Variants in PTPRD observed in about 807,000 individuals in gnomAD.
PTPRD encodes the protein receptor-type tyrosine-protein phosphatase delta.
PTPRD carries 34 observed loss-of-function variants against 214.5 expected under a neutral mutation model. The observed-to-expected ratio is 0.16, with a 90% CI of 0.12 to 0.21. The LOEUF is 0.21. PTPRD is among the 10% of genes least tolerant of loss of function. The pLI is 1.00. For synonymous variants in PTPRD, 1,128 were observed against 845.7 expected (o/e 1.33, Z -5.79); for missense variants, 2,545 against 2,398.7 (o/e 1.06, Z -1.27).
At chr9:8,592,034 C>T (rs905648248) in intron 14 of PTPRD, among the ~76,000 whole-genome samples, 2 of 152,052 alleles carry the variant, frequency 1.3e-5, no homozygotes, top group African/African-American at 4.8e-5. Context: ...ATTAAAATAA[C>T]TTTGAAATAA....
chr9:8,956,479 G>T (rs2099132331), intron 11 of PTPRD, among the ~76,000 whole-genome samples: 1 of 151,260 alleles, frequency 6.6e-6, no homozygotes, highest in Non-Finnish European at 1.5e-5. Flanking sequence ...TTTTAACAAA[G>T]AAGAAGCAAA....
rs778293739 is a variant in PTPRD at position 8,404,584 on chromosome 9, T to C, written c.4163A>G (p.Asn1388Ser). 6.2e-7 allele frequency: 1 copy of C among 1,613,642 alleles called. No individual in the cohort carries two copies. The highest frequency in any genetic ancestry group is 8.5e-7 in the Non-Finnish European group (1 of 1,179,594). The change falls in exon 36 of 46, where the codon AAT becomes AGT. Residue 1388 changes from asparagine to serine, a missense_variant. Physicochemically the swap from Asn to Ser is conservative, Grantham distance 46. Transcript: ENST00000381196. ...CCGGGAATGATCATATGCGATTACATTCGCGTATCTATTCTTTGGTTTGTT... is the reference window on the plus strand; with the variant it reads ...CCGGGAATGATCATATGCGATTACACTCGCGTATCTATTCTTTGGTTTGTT... ...EVNKPKNRYA[N>S]VIAYDHSRVL...
At chr9:9,209,991 T>C (rs2099947481) in intron 9 of PTPRD, among the ~76,000 whole-genome samples, 1 of 152,184 alleles carries the variant, frequency 6.6e-6, no homozygotes, top group Non-Finnish European at 1.5e-5. Flanking sequence ...TAGATGATTA[T>C]CACGCAGTAG....
intron 5 of PTPRD, among the ~76,000 whole-genome samples, chr9:9,787,107 A>G (rs1356470431): frequency 6.6e-6 from 1 of 151,960 alleles, no homozygotes; most frequent in African/African-American, 2.4e-5. Flanking sequence ...ACTACACTCC[A>G]GCCTGGGCGA....
intron 2 of PTPRD, among the ~76,000 whole-genome samples, chr9:10,482,286 G>A (rs1039491040): frequency 2.0e-5 from 3 of 151,970 alleles, no homozygotes; most frequent in African/African-American, 4.8e-5. Flanking sequence ...CAGGAGAATG[G>A]CATGAACCCG....
chr9:9,140,617 C>T (rs1255191895), intron 10 of PTPRD, among the ~76,000 whole-genome samples: 2 of 152,168 alleles, frequency 1.3e-5, no homozygotes, highest in Non-Finnish European at 2.9e-5. Context: ...CTCGCTCTGT[C>T]GCCCAGGCTG....
At chr9:10,450,413 A>AT (rs1427964650) in intron 2 of PTPRD, among the ~76,000 whole-genome samples, 1 of 151,988 alleles carries the variant, frequency 6.6e-6, no homozygotes, top group Non-Finnish European at 1.5e-5. Context: ...ACTATAAGCA[A>AT]TTTGTATTAT....
chr9:9,967,215 G>C (rs950168588), intron 4 of PTPRD, among the ~76,000 whole-genome samples: 3 of 152,132 alleles, frequency 2.0e-5, no homozygotes, highest in Non-Finnish European at 2.9e-5. Flanking sequence ...GCAAATTGTA[G>C]ATATAAAAAT....
chr9:9,970,761 AG>A (rs2095053149), intron 4 of PTPRD, among the ~76,000 whole-genome samples: 1 of 152,172 alleles, frequency 6.6e-6, no homozygotes, highest in South Asian at 2.1e-4. Flanking sequence ...GGGAAGGCAG[AG>A]CTTCTGGAGT....
chr9:8,849,171 A>ATT (rs746565485), intron 11 of PTPRD, among the ~76,000 whole-genome samples: 13,469 of 108,648 alleles, frequency 0.12, 1,188 homozygotes, highest in Non-Finnish European at 0.17. Context: ...TCAAAAAAAA[A>ATT]TTTTTTTTTT....
chr9:8,764,746 G>A (rs1024736190), intron 11 of PTPRD, among the ~76,000 whole-genome samples: 2 of 151,688 alleles, frequency 1.3e-5, no homozygotes, highest in African/African-American at 4.8e-5. Context: ...AGTGAGCCGA[G>A]ATTGCCCCAT....
At chr9:10,220,423 G>A (rs557515120) in intron 3 of PTPRD, among the ~76,000 whole-genome samples, 220 of 151,864 alleles carry the variant, frequency 1.4e-3, no homozygotes, top group African/African-American at 4.6e-3. Flanking sequence ...CATAGTAGTT[G>A]GTGGAACCAA....
intron 2 of PTPRD, among the ~76,000 whole-genome samples, chr9:10,443,037 T>C (rs923105498): frequency 3.3e-5 from 5 of 150,780 alleles, no homozygotes; most frequent in Non-Finnish European, 5.9e-5. Flanking sequence ...TTTAAGATAA[T>C]TAGGAAAATG....
chr9:10,497,931 G>A (rs956699674), intron 2 of PTPRD, among the ~76,000 whole-genome samples: 1 of 151,946 alleles, frequency 6.6e-6, no homozygotes, highest in Admixed American at 6.6e-5. Context: ...ACACTGGATT[G>A]CTTATCTAGT....
intron 3 of PTPRD, among the ~76,000 whole-genome samples, chr9:10,235,254 G>GCTA (rs2099625213): frequency 6.6e-6 from 1 of 151,910 alleles, no homozygotes. Context: ...AGAAGTCTCT[G>GCTA]AATTTCCATA....
At chr9:9,377,219 C>T (rs144897907) in intron 9 of PTPRD, among the ~76,000 whole-genome samples, 1 of 151,972 alleles carries the variant, frequency 6.6e-6, no homozygotes, top group African/African-American at 2.4e-5. Context: ...TATATGAATA[C>T]AGTATCTTTG....
At chr9:9,657,591 G>C (rs2096544294) in intron 7 of PTPRD, among the ~76,000 whole-genome samples, 1 of 152,018 alleles carries the variant, frequency 6.6e-6, no homozygotes, top group Non-Finnish European at 1.5e-5. Context: ...CCCAGAACTT[G>C]AAATATAATA....
chr9:10,508,507 T>G (rs1289216902), intron 2 of PTPRD, among the ~76,000 whole-genome samples: 1 of 152,188 alleles, frequency 6.6e-6, no homozygotes, highest in Non-Finnish European at 1.5e-5. Context: ...GTATGTTTAT[T>G]GTGGCACTAT....
At chr9:9,604,944 T>C (rs1173432935) in intron 7 of PTPRD, among the ~76,000 whole-genome samples, 1 of 151,926 alleles carries the variant, frequency 6.6e-6, no homozygotes, top group African/African-American at 2.4e-5. Context: ...TAACAGGAGG[T>C]GGTCCCTGAT....
Sources: gnomAD v4.1 joint callset for allele counts (sites outside exome capture counted in the v4.1 genomes callset) on GRCh38, gnomAD v4.1.1 for gene constraint, MANE v1.5 for transcripts, NCBI Gene and HGNC (gene_info 2026-07-23, HGNC 2026-07-21) for gene names.